Variants in PPARGC1B observed in about 807,000 individuals in gnomAD.
PPARGC1B encodes peroxisome proliferator-activated receptor gamma coactivator 1-beta.
Under a neutral mutation model 101.6 loss-of-function variants are expected in PPARGC1B, and 34 were observed. The observed-to-expected ratio is 0.33, with a 90% CI of 0.25 to 0.45. PPARGC1B has a LOEUF of 0.45. PPARGC1B is among the 20% of genes least tolerant of loss of function. The probability of loss-of-function intolerance (pLI) is 1.00; values close to 1 mark genes in which losing one functional copy is unlikely to be tolerated. For synonymous variants in PPARGC1B, 548 were observed against 539.3 expected, an observed-to-expected ratio of 1.02 and a Z score of -0.22; for missense variants, 1,234 against 1,317.6, an observed-to-expected ratio of 0.94 and a Z score of 0.98.
At chr5:149,817,520 GT>G (rs1561579501) in intron 1 of PPARGC1B, 3 of 339,852 alleles carry the variant, frequency 8.8e-6, no homozygotes, top group Non-Finnish European at 1.7e-5. Flanking sequence ...TTTGTTTCCT[GT>G]TATCTTCCAT....
chr5:149,777,784 AAC>A (rs4039101), intron 1 of PPARGC1B, among the ~76,000 whole-genome samples: 12,268 of 90,414 alleles, frequency 0.14, 880 homozygotes, highest in South Asian at 0.18. Flanking sequence ...CTGTCTTTGT[AAC>A]ACACACACAC....
chr5:149,753,309 C>A (rs1301040616), intron 1 of PPARGC1B, among the ~76,000 whole-genome samples: 1 of 151,968 alleles, frequency 6.6e-6, no homozygotes, highest in Non-Finnish European at 1.5e-5. Context: ...CGGGTTCAAG[C>A]GATTCTCCTG....
At position 149,730,446 on chromosome 5, in the gene PPARGC1B, CG is replaced by C. The variant is rs1258395636; in HGVS notation, c.78+30del. The C allele has an allele frequency of 6.6e-7, 1 of 1,521,814 alleles. No individual in the cohort carries two copies. The highest frequency in any genetic ancestry group is 2.1e-5 in the Admixed American group (1 of 48,710). 94.3% of individuals were successfully genotyped at this position (1,521,814 alleles called of 1,614,324 possible). On this transcript the variant is annotated intron_variant, in intron 1 of 11. Coordinates refer to ENST00000309241, the MANE Select transcript of PPARGC1B (RefSeq NM_133263.4). The surrounding 1 kb of genome is among the most constrained non-coding windows in gnomAD (Gnocchi z 4.0). ...GTACGGCCGGCTGGGGCTGCGGGCC[CG>C]GGGCCAGGGGTGCTGAGCTGCGGGG...
intron 1 of PPARGC1B, among the ~76,000 whole-genome samples, chr5:149,745,114 T>C (rs1755041061): frequency 6.6e-6 from 1 of 152,186 alleles, no homozygotes; most frequent in Non-Finnish European, 1.5e-5. Context: ...TTGCCCGGGC[T>C]GGTCTCGAAC....
rs1273786966 is a variant in PPARGC1B at position 149,832,627 on chromosome 5, T to G, written c.583-29T>G. The G allele has an allele frequency of 1.3e-6, 2 of 1,500,968 alleles. No homozygotes were observed. Among genetic ancestry groups the G allele is most frequent in the East Asian group, 2.3e-5 (1 of 43,622 alleles). The allele number at this position is 1,500,968 out of a possible 1,614,324, so 93.0% of individuals were successfully genotyped here. A position where few individuals can be genotyped will look rare whatever the true frequency, so the allele number is the denominator to read the frequency against. ...CATGGGAGGAGTGTTTGGGCCTCCT[T>G]CCTCACTCTGGCCTCTCTCCCTCTC... On this transcript the variant is annotated intron_variant, in intron 4 of 11. Transcript: ENST00000309241. This position sits in a 1 kb window ranked among gnomAD's most constrained non-coding sequence, Gnocchi z 4.9.
At chr5:149,819,463 G>A (rs1758186937) in intron 1 of PPARGC1B, among the ~76,000 whole-genome samples, 1 of 149,400 alleles carries the variant, frequency 6.7e-6, no homozygotes, top group African/African-American at 2.5e-5. Context: ...AGTATTTCAT[G>A]ATATGGGTGT....
chr5:149,780,055 C>G (rs190407685), intron 1 of PPARGC1B, among the ~76,000 whole-genome samples: 1 of 152,306 alleles, frequency 6.6e-6, no homozygotes, highest in Non-Finnish European at 1.5e-5. Flanking sequence ...GGGCTTTCCA[C>G]CTAGGGGAGT....
In PPARGC1B at chr5:149,730,319, G is replaced by T; in HGVS notation, c.-24G>T. 1 of 1,530,966 alleles carries T rather than the reference G, an allele frequency of 6.5e-7. No individual in the cohort carries two copies. Among genetic ancestry groups the T allele is most frequent in the Non-Finnish European group, 8.8e-7 (1 of 1,140,228 alleles). 94.8% of individuals were successfully genotyped at this position (1,530,966 alleles called of 1,614,324 possible). A position where few individuals can be genotyped will look rare whatever the true frequency, so the allele number is the denominator to read the frequency against. ...GGGCCGGCTCGGCGTTGACTCCGCC[G>T]CACGCTGCAGCCGCGGCTGGAAGAT... On this transcript the variant is annotated 5_prime_UTR_variant, in exon 1 of 12. Coordinates refer to ENST00000309241, the MANE Select transcript of PPARGC1B (RefSeq NM_133263.4). The surrounding 1 kb of genome is among the most constrained non-coding windows in gnomAD (Gnocchi z 4.0).
Position 149,830,802 on chromosome 5 carries a change from A to G in PPARGC1B, c.501A>G (p.Thr167=). ...TCCTCCTGGCCACATCCTACCCAAC[A>G]TCAAGCTCTGACACCCAGAAGGAAG... ...QKLLLATSYP[T]SSSDTQKEGT... Residue 167 remains threonine (T), a synonymous_variant, in exon 4 of 12, where the codon ACA becomes ACG. Transcript: ENST00000309241. The G allele has an allele frequency of 1.2e-6, 2 of 1,613,976 alleles. No individual in the cohort carries two copies. Among genetic ancestry groups the G allele is most frequent in the Non-Finnish European group, 1.7e-6 (2 of 1,179,950 alleles).
Position 149,833,872 on chromosome 5 carries a change from C to T in PPARGC1B, c.1705+94C>T, listed in dbSNP as rs900380487. On this transcript the variant is annotated intron_variant, in intron 5 of 11. Transcript: ENST00000309241. This position sits in a 1 kb window ranked among gnomAD's most constrained non-coding sequence, Gnocchi z 4.1. ...GCCAGGAGCCCTGTGTTCAAGTCCC[C>T]GTCCCCCAACAAAGTGTTATATGGG... 21 of 1,412,638 alleles carry T rather than the reference C, an allele frequency of 1.5e-5. No individual in the cohort carries two copies. Among genetic ancestry groups the T allele is most frequent in the African/African-American group, 7.2e-5 (5 of 69,522 alleles). 87.5% of individuals were successfully genotyped at this position (1,412,638 alleles called of 1,614,324 possible).
chr5:149,833,806 G>A lies in PPARGC1B; in HGVS notation c.1705+28G>A. On this transcript the variant is annotated intron_variant, in intron 5 of 11. Coordinates refer to ENST00000309241, the MANE Select transcript of PPARGC1B (RefSeq NM_133263.4). The surrounding 1 kb of genome is among the most constrained non-coding windows in gnomAD (Gnocchi z 4.1). ...AGTCAGAGTTGGTGGTCTGCGAAGTGGGGGCAGGGATGGGGTGCAGCATGC... is the reference window on the plus strand; with the variant it reads ...AGTCAGAGTTGGTGGTCTGCGAAGTAGGGGCAGGGATGGGGTGCAGCATGC... 1.4e-6 allele frequency: 2 copies of A among 1,462,244 alleles called. No individual in the cohort carries two copies. Among genetic ancestry groups the A allele is most frequent in the Middle Eastern group, 1.9e-4 (1 of 5,268 alleles). The allele number at this position is 1,462,244 out of a possible 1,614,324, so 90.6% of individuals were successfully genotyped here. A position where few individuals can be genotyped will look rare whatever the true frequency, so the allele number is the denominator to read the frequency against.
At chr5:149,840,786 G>A (rs1291969323) in intron 9 of PPARGC1B, among the ~76,000 whole-genome samples, 2 of 152,170 alleles carry the variant, frequency 1.3e-5, no homozygotes, top group African/African-American at 4.8e-5. Flanking sequence ...TAGAAAGGAA[G>A]GAGGAAAGTA....
intron 1 of PPARGC1B, among the ~76,000 whole-genome samples, chr5:149,750,410 A>G (rs142108991): frequency 0.016 from 2,358 of 148,180 alleles, 70 homozygotes; most frequent in African/African-American, 0.054. Context: ...TTTAAAATCT[A>G]TAAAACAAAC....
At chr5:149,758,154 T>G (rs1755603809) in intron 1 of PPARGC1B, among the ~76,000 whole-genome samples, 1 of 152,228 alleles carries the variant, frequency 6.6e-6, no homozygotes, top group African/African-American at 2.4e-5. Flanking sequence ...CTCATGGTGG[T>G]AAGGCTAAAT....
intron 1 of PPARGC1B, among the ~76,000 whole-genome samples, chr5:149,767,836 TG>T (rs1306554658): frequency 2.8e-5 from 4 of 144,834 alleles, no homozygotes; most frequent in Non-Finnish European, 6.0e-5. Context: ...GGGTTGGGGG[TG>T]GGGGGTGGCG....
chr5:149,830,971 A>G lies in PPARGC1B; in HGVS notation c.582+88A>G, dbSNP rs76801031. ...TGGTGGAGGATAGCGAGTTCAGTCAACCTCCAATATCTCTTCCCACTCCTC... is the reference window on the plus strand; with the variant it reads ...TGGTGGAGGATAGCGAGTTCAGTCAGCCTCCAATATCTCTTCCCACTCCTC... On this transcript the variant is annotated intron_variant, in intron 4 of 11. Transcript: ENST00000309241. 7.6e-3 allele frequency: 6,681 copies of G among 879,320 alleles called. 48 individuals carry two copies. The highest frequency in any genetic ancestry group is 0.011 in the Non-Finnish European group (5,611 of 520,524). The allele number at this position is 879,320 out of a possible 1,614,324, so 54.5% of individuals were successfully genotyped here. A position where few individuals can be genotyped will look rare whatever the true frequency, so the allele number is the denominator to read the frequency against.
intron 3 of PPARGC1B, among the ~76,000 whole-genome samples, chr5:149,828,922 G>A (rs776040638): frequency 6.6e-6 from 1 of 151,400 alleles, no homozygotes. Context: ...ATGGTGGCAC[G>A]TGCCTGTAGT....
intron 8 of PPARGC1B, among the ~76,000 whole-genome samples, chr5:149,838,984 A>G (rs542504638): frequency 1.6e-4 from 24 of 152,216 alleles, no homozygotes; most frequent in Non-Finnish European, 8.8e-5. Context: ...TGCAAAAGGG[A>G]TGATAATACA....
At chr5:149,843,673 C>T (rs1371945961) in intron 10 of PPARGC1B, among the ~76,000 whole-genome samples, 2 of 152,172 alleles carry the variant, frequency 1.3e-5, no homozygotes, top group African/African-American at 2.4e-5. Context: ...AACAGGATCT[C>T]CAAGAGGTAT....
Sources: allele counts gnomAD v4.1 joint callset (sites outside exome capture counted in the v4.1 genomes callset), GRCh38; gene constraint gnomAD v4.1.1; non-coding constraint Gnocchi (gnomAD v3.1); transcripts MANE v1.5; gene names NCBI Gene and HGNC (gene_info 2026-07-23, HGNC 2026-07-21).